Variants in SWAP70 observed in about 807,000 individuals in gnomAD.
SWAP70 encodes switching B cell complex subunit SWAP70.
SWAP70 carries 34 observed loss-of-function variants against 80.2 expected under a neutral mutation model. The ratio of observed to expected loss-of-function variants is 0.42; its 90% CI spans 0.32 to 0.56. SWAP70 has a LOEUF of 0.56. SWAP70 is among the 20% of genes least tolerant of loss of function. The pLI, the probability that SWAP70 is intolerant of heterozygous loss-of-function variation, is 0.09. For synonymous variants in SWAP70, 239 were observed against 238.5 expected (o/e 1.00, Z -0.02); for missense variants, 578 against 690.7 (o/e 0.84, Z 1.83).
intron 3 of SWAP70, among the ~76,000 whole-genome samples, chr11:9,717,265 T>C (rs979028001): frequency 4.6e-5 from 7 of 152,172 alleles, no homozygotes. Flanking sequence ...TAGAAGGGAA[T>C]GTCTGTAGAA....
Position 9,732,612 on chromosome 11 carries a change from A to T in SWAP70, c.982A>T (p.Lys328Ter). 1 of 1,597,968 alleles carries T rather than the reference A, an allele frequency of 6.3e-7. No homozygotes were observed. Among genetic ancestry groups the T allele is most frequent in the Non-Finnish European group, 8.5e-7 (1 of 1,170,724 alleles). ...CCGCCAGCGTCGGAAAGAACTCCGG[A>T]AGAAGCAGCTGGCTGAACAAGAGGA... is the stretch of plus-strand genomic sequence containing the variant. ...EARQRRKELRKKQLAEQEELE... is the reference protein window; with the variant it reads ...EARQRRKELR The change falls in exon 7 of 12, where the codon AAG (lysine) becomes TAG (stop). Residue 328 changes from lysine to a stop codon, truncating the protein, a stop_gained. Coordinates refer to ENST00000318950, the MANE Select transcript of SWAP70 (RefSeq NM_015055.4). LOFTEE classifies it high-confidence loss of function.
chr11:9,689,602 G>A lies in SWAP70; in HGVS notation c.100-4544G>A, dbSNP rs369639601. 3.9e-5 allele frequency among the ~76,000 whole-genome samples: 6 copies of A among 152,206 alleles called. 1 individual carries two copies. The South Asian group carries it at 1.2e-3, about 32-fold the overall frequency. ...TTTTCAAGAAACTTGCAAACACCCT[G>A]ATTAGAATGATTTGGGGCAGTCCTT... is the stretch of plus-strand genomic sequence containing the variant. On this transcript the variant is annotated intron_variant, in intron 1 of 11. Coordinates refer to ENST00000318950, the MANE Select transcript of SWAP70 (RefSeq NM_015055.4).
At chr11:9,737,911 A>C (rs1386741245) in intron 7 of SWAP70, among the ~76,000 whole-genome samples, 1 of 152,194 alleles carries the variant, frequency 6.6e-6, no homozygotes, top group African/African-American at 2.4e-5. Context: ...ATAAATAAAT[A>C]AATAAAAATC....
chr11:9,692,665 A>G (rs1461821560), intron 1 of SWAP70, among the ~76,000 whole-genome samples: 1 of 152,152 alleles, frequency 6.6e-6, no homozygotes, highest in Non-Finnish European at 1.5e-5. Context: ...TTGTATTTCC[A>G]TAGCATTTTA....
intron 3 of SWAP70, among the ~76,000 whole-genome samples, chr11:9,724,182 G>A (rs903397434): frequency 7.2e-5 from 11 of 152,298 alleles, no homozygotes; most frequent in African/African-American, 2.6e-4. Context: ...TTACAACATT[G>A]TAGTGTTCCA....
At chr11:9,719,919 G>C (rs369725933) in intron 3 of SWAP70, 1 of 207,364 alleles carries the variant, frequency 4.8e-6, no homozygotes. Flanking sequence ...TATTAATGAT[G>C]ATAGAGAAAG....
chr11:9,665,682 T>A (rs1472698124), intron 1 of SWAP70, among the ~76,000 whole-genome samples: 1 of 152,230 alleles, frequency 6.6e-6, no homozygotes, highest in Non-Finnish European at 1.5e-5. Flanking sequence ...GCCTTAGAGA[T>A]TAATCCATTT....
chr11:9,722,897 A>G (rs112233911), intron 3 of SWAP70, among the ~76,000 whole-genome samples: 40 of 152,352 alleles, frequency 2.6e-4, no homozygotes, highest in African/African-American at 9.1e-4. Context: ...AACACATGAT[A>G]GGGAGGCACA....
chr11:9,747,063 C>T (rs1851521606), intron 9 of SWAP70, among the ~76,000 whole-genome samples: 1 of 152,196 alleles, frequency 6.6e-6, no homozygotes, highest in African/African-American at 2.4e-5. Context: ...TCGAACGACA[C>T]TATATACACT....
At chr11:9,688,655 C>T (rs539356946) in intron 1 of SWAP70, among the ~76,000 whole-genome samples, 14 of 152,058 alleles carry the variant, frequency 9.2e-5, no homozygotes, top group African/African-American at 2.9e-4. Flanking sequence ...AGGGGGATAA[C>T]GTGATGTTAG....
chr11:9,665,143 T>C lies in SWAP70; in HGVS notation c.99+865T>C, dbSNP rs151315112. Among the ~76,000 whole-genome samples, 735 of 152,346 alleles carry C rather than the reference T, an allele frequency of 4.8e-3. 6 individuals carry two copies. Among genetic ancestry groups the C allele is most frequent in the African/African-American group, 0.017 (695 of 41,576 alleles). On this transcript the variant is annotated intron_variant, in intron 1 of 11. Coordinates refer to ENST00000318950, the MANE Select transcript of SWAP70 (RefSeq NM_015055.4). ...AGAAACAGACAAGAAAAGCTATTCATAGGCATTTAAAAATATACATATTTT... is the reference window on the plus strand; with the variant it reads ...AGAAACAGACAAGAAAAGCTATTCACAGGCATTTAAAAATATACATATTTT...
At chr11:9,665,542 G>C (rs1337326252) in intron 1 of SWAP70, among the ~76,000 whole-genome samples, 1 of 152,056 alleles carries the variant, frequency 6.6e-6, no homozygotes, top group Non-Finnish European at 1.5e-5. Flanking sequence ...ATGTTGCCCT[G>C]CCTCCACCCC....
rs189196802 is a variant in SWAP70, at chr11:9,688,730, A to G, written c.100-5416A>G. 1.8e-4 allele frequency among the ~76,000 whole-genome samples: 28 copies of G among 152,264 alleles called. No homozygotes were observed. The East Asian group carries it at 4.6e-3, about 25-fold the overall frequency. On this transcript the variant is annotated intron_variant, in intron 1 of 11. Coordinates refer to ENST00000318950, the MANE Select transcript of SWAP70 (RefSeq NM_015055.4). Reference sequence around the variant, plus strand: ...CTGATTGTACTTAGGGATTGAGAGCAATGTGAACAATGACTTTGAGATTTT... The same window carrying G: ...CTGATTGTACTTAGGGATTGAGAGCGATGTGAACAATGACTTTGAGATTTT...
chr11:9,671,873 T>G (rs1415281827), intron 1 of SWAP70, among the ~76,000 whole-genome samples: 1 of 101,744 alleles, frequency 9.8e-6, no homozygotes, highest in East Asian at 3.2e-4. Flanking sequence ...TATTTATAAT[T>G]TAAATATAAT....
intron 5 of SWAP70, among the ~76,000 whole-genome samples, chr11:9,728,731 CTGTA>C (rs1352401545): frequency 1.3e-5 from 2 of 152,194 alleles, no homozygotes; most frequent in Non-Finnish European, 2.9e-5. Flanking sequence ...GTCCCCGTGT[CTGTA>C]TGTGTTGAAG....
At chr11:9,671,765 T>A (rs1850408824) in intron 1 of SWAP70, among the ~76,000 whole-genome samples, 1 of 47,968 alleles carries the variant, frequency 2.1e-5, no homozygotes, top group Non-Finnish European at 3.7e-5. Flanking sequence ...TATAAATATA[T>A]AATATAAATA....
At chr11:9,687,303 A>G (rs1358121615) in intron 1 of SWAP70, among the ~76,000 whole-genome samples, 1 of 152,248 alleles carries the variant, frequency 6.6e-6, no homozygotes, top group Non-Finnish European at 1.5e-5. Context: ...ACCAAATATA[A>G]TACACAACAA....
chr11:9,702,005 C>G (rs953531065), intron 2 of SWAP70, among the ~76,000 whole-genome samples: 2 of 152,180 alleles, frequency 1.3e-5, no homozygotes, highest in African/African-American at 2.4e-5. Context: ...CTGGTGCTTT[C>G]TAACAGAAGC....
At chr11:9,744,768 C>T (rs536665045) in intron 9 of SWAP70, among the ~76,000 whole-genome samples, 67 of 151,872 alleles carry the variant, frequency 4.4e-4, no homozygotes, top group Non-Finnish European at 7.5e-4. Context: ...ATTAGCTGGG[C>T]GTGGTGGTGC....
Sources: allele counts gnomAD v4.1 joint callset (sites outside exome capture counted in the v4.1 genomes callset), GRCh38; gene constraint gnomAD v4.1.1; transcripts MANE v1.5; gene names NCBI Gene and HGNC (gene_info 2026-07-23, HGNC 2026-07-21).